Variants in PIWIL3 observed in about 807,000 individuals in gnomAD.
PIWIL3 encodes piwi like RNA-mediated gene silencing 3.
In PIWIL3, 101 loss-of-function variants were observed where a neutral mutation model predicts 109.7. The ratio of observed to expected loss-of-function variants is 0.92; its 90% CI spans 0.78 to 1.09. The LOEUF is 1.09. Ranked by LOEUF, PIWIL3 falls within the 50% of genes least tolerant of loss-of-function variation. PIWIL3 has a pLI of 0.00. For missense variants in PIWIL3, 1,031 were observed against 1,072.6 expected (o/e 0.96, Z 0.54); for synonymous variants, 373 against 376.4 (o/e 0.99, Z 0.10).
At chr22:24,744,665 A>G (rs1462941091) in intron 12 of PIWIL3, among the ~76,000 whole-genome samples, 2 of 152,222 alleles carry the variant, frequency 1.3e-5, no homozygotes, top group Non-Finnish European at 2.9e-5. Flanking sequence ...ACTATGCAAC[A>G]ATAAAGTGGT....
chr22:24,756,240 A>AAC (rs1363696298), intron 5 of PIWIL3, among the ~76,000 whole-genome samples: 1 of 152,118 alleles, frequency 6.6e-6, no homozygotes, highest in Non-Finnish European at 1.5e-5. Context: ...ATAAAAAAAA[A>AAC]AGTATCCAAA....
At chr22:24,770,650 C>T (rs1486144998) in intron 1 of PIWIL3, among the ~76,000 whole-genome samples, 1 of 139,792 alleles carries the variant, frequency 7.2e-6, no homozygotes, top group African/African-American at 2.7e-5. Context: ...TGGTGAAACC[C>T]CGTCTCTACT....
In PIWIL3 at chr22:24,751,482, A is replaced by G. The variant is rs138187514; in HGVS notation, c.994T>C (p.Tyr332His). ...IVLTKYNNKT[Y>H]RVDDIDWKQN... ...TTCCAATCAATATCATCTACTCTGTAGGTTTTGTTGTTGTATCTGTGGAAT... is the reference window on the plus strand; with the variant it reads ...TTCCAATCAATATCATCTACTCTGTGGGTTTTGTTGTTGTATCTGTGGAAT... Residue 332 changes from tyrosine to histidine, a missense_variant, in exon 9 of 21, where the codon TAC becomes CAC. Tyr to His is a moderately conservative substitution (Grantham distance 83). Coordinates refer to ENST00000616349, the MANE Select transcript of PIWIL3 (RefSeq NM_001255975.1). The G allele has an allele frequency of 1.9e-6, 3 of 1,611,272 alleles. No homozygotes were observed. Among genetic ancestry groups the G allele is most frequent in the Admixed American group, 1.7e-5 (1 of 59,286 alleles).
intron 12 of PIWIL3, among the ~76,000 whole-genome samples, chr22:24,748,024 A>G (rs73152591): frequency 6.6e-6 from 1 of 152,336 alleles, no homozygotes; most frequent in Non-Finnish European, 1.5e-5. Flanking sequence ...CAGATTTGGA[A>G]GCAATGTAAA....
In PIWIL3 at chr22:24,734,104, T is replaced by C. The variant is rs368294119; in HGVS notation, c.1687A>G (p.Thr563Ala). 6.2e-6 allele frequency: 10 copies of C among 1,612,658 alleles called. No individual in the cohort carries two copies. In the African/African-American group the frequency reaches 1.1e-4, roughly 17 times the overall value. ...CTTACCATCTGCAGTGTTGGTCTAGTATATTTCCGTAATGTGTCTATATAG... is the reference window on the plus strand; with the variant it reads ...CTTACCATCTGCAGTGTTGGTCTAGCATATTTCCGTAATGTGTCTATATAG... ...NSYIDTLRKY[T>A]RPTLQMVICI... Residue 563 changes from threonine to alanine, a missense_variant, in exon 14 of 21, where the codon ACT becomes GCT. By Grantham distance (58) the Thr-to-Ala change is moderately conservative. Transcript: ENST00000616349.
chr22:24,746,928 C>A (rs1465522985), intron 12 of PIWIL3, among the ~76,000 whole-genome samples: 1 of 151,994 alleles, frequency 6.6e-6, no homozygotes, highest in African/African-American at 2.4e-5. Context: ...TTATCCAAAG[C>A]AATCCCTATC....
Position 24,755,693 on chromosome 22 carries a change from C to T in PIWIL3, c.692+91G>A, listed in dbSNP as rs1037584909. On this transcript the variant is annotated intron_variant, in intron 6 of 20. Coordinates refer to ENST00000616349, the MANE Select transcript of PIWIL3 (RefSeq NM_001255975.1). ...TAATACATGAGGACTAGGAAGAACA[C>T]TAAGTGCTAGAAGCAAATGGCTGTA... 87 of 1,510,854 alleles carry T rather than the reference C, an allele frequency of 5.8e-5. 2 individuals are homozygous for T. The highest frequency in any genetic ancestry group is 4.2e-4 in the South Asian group (36 of 84,828). The allele number at this position is 1,510,854 out of a possible 1,614,324, so 93.6% of individuals were successfully genotyped here. A position where few individuals can be genotyped will look rare whatever the true frequency, so the allele number is the denominator to read the frequency against.
Position 24,766,042 on chromosome 22 carries a change from GA to G in PIWIL3, c.-22-3522del, listed in dbSNP as rs71189280. 2.7e-3 allele frequency among the ~76,000 whole-genome samples: 381 copies of G among 143,476 alleles called. 1 individual carries two copies. The highest frequency in any genetic ancestry group is 0.02 in the South Asian group (90 of 4,580). 94.1% of individuals were successfully genotyped at this position (143,476 alleles called of 152,430 possible). ...TAAAATAAATTCCTTCAACTTAATG[GA>G]AAAAAAAAAAAGAAACCCTCCCACC... On this transcript the variant is annotated intron_variant, in intron 1 of 20. Transcript: ENST00000616349.
At chr22:24,751,307 G>A (rs1395984957) in intron 9 of PIWIL3, 80 bp downstream of exon 9, 10 of 1,354,402 alleles carry the variant, frequency 7.4e-6, no homozygotes, top group Non-Finnish European at 1.0e-5. Flanking sequence ...TGACAAATAT[G>A]TTCAAGTAGC....
chr22:24,756,796 A>C (rs186190003), intron 4 of PIWIL3, 91 bp from the exon 5 acceptor site: 5 of 1,164,314 alleles, frequency 4.3e-6, no homozygotes, highest in Non-Finnish European at 6.1e-6. Flanking sequence ...AGCCAAAGTT[A>C]GGGCTGGGCA....
intron 19 of PIWIL3, 135 bp downstream of exon 19, chr22:24,722,995 A>T (rs1162363517): frequency 3.4e-5 from 34 of 1,013,162 alleles, no homozygotes; most frequent in Middle Eastern, 2.5e-4. Context: ...GCCCAATAGT[A>T]AAAAAAACAG....
At position 24,734,148 on chromosome 22, in the gene PIWIL3, A is replaced by AC. The variant is rs1481658143; in HGVS notation, c.1642dup (p.Val548GlyfsTer4). The AC allele has an allele frequency of 6.2e-7, 1 of 1,611,646 alleles. No homozygotes were observed. The highest frequency in any genetic ancestry group is 1.3e-5 in the African/African-American group (1 of 74,996). Reference sequence around the variant, plus strand: ...TATATAGGAGTTAGCATCACCATCTACTTCAATCCTAAAAAATAAATATAG... The same window carrying AC: ...TATATAGGAGTTAGCATCACCATCTACCTTCAATCCTAAAAAATAAATATAG... On this transcript the variant is annotated frameshift_variant, in exon 14 of 21. Transcript: ENST00000616349. LOFTEE classifies it high-confidence loss of function.
chr22:24,747,235 GTC>G (rs1924427429), intron 12 of PIWIL3, among the ~76,000 whole-genome samples: 2 of 151,892 alleles, frequency 1.3e-5, no homozygotes, highest in Admixed American at 1.3e-4. Context: ...GGAAAGGACA[GTC>G]TCTTCTGTAT....
At chr22:24,736,614 T>C (rs1031709808) in intron 12 of PIWIL3, among the ~76,000 whole-genome samples, 7 of 152,206 alleles carry the variant, frequency 4.6e-5, no homozygotes, top group African/African-American at 1.7e-4. Flanking sequence ...GGGAGCACCT[T>C]CATAGGAACC....
At position 24,755,825 on chromosome 22, in the gene PIWIL3, C is replaced by T. The variant is rs113993349; in HGVS notation, c.651G>A (p.Thr217=). Residue 217 remains threonine, a synonymous_variant, in exon 6 of 21, where the codon ACG becomes ACA. Transcript: ENST00000616349. ...TVEFSKELTP[T]SPDCLRYYNI... ...TGTAATAGCGTAGGCAATCTGGCGA[C>T]GTGGGCGTGAGTTCTTTGGAAAACT... is the stretch of plus-strand genomic sequence containing the variant. 7.4e-4 allele frequency: 1,189 copies of T among 1,613,888 alleles called. 5 individuals carry two copies. The African/African-American group carries it at 0.01, about 14-fold the overall frequency.
At position 24,728,188 on chromosome 22, in the gene PIWIL3, C is replaced by T. The variant is rs148034582; in HGVS notation, c.1894G>A (p.Val632Met). 7,653 of 1,614,198 alleles carry T rather than the reference C, an allele frequency of 4.7e-3. 58 individuals are homozygous for T. The highest frequency in any genetic ancestry group is 0.029 in the Middle Eastern group (177 of 6,062). ...NCKMGGALWK[V>M]ETDVQRTMFV... is the part of the protein sequence containing the mutation. Reference sequence around the variant, plus strand: ...GAAATACAACATACGTCTGTCTCCACCTTCCAGAGGGCTCCTCCCATCTTG... The same window carrying T: ...GAAATACAACATACGTCTGTCTCCATCTTCCAGAGGGCTCCTCCCATCTTG... The change falls in exon 15 of 21, where the codon GTG becomes ATG. Residue 632 changes from valine to methionine, a missense_variant. Physicochemically the swap from Val to Met is conservative, Grantham distance 21. Coordinates refer to ENST00000616349, the MANE Select transcript of PIWIL3 (RefSeq NM_001255975.1).
chr22:24,742,150 G>GAAAA (rs1924043613), intron 12 of PIWIL3, among the ~76,000 whole-genome samples: 1 of 37,400 alleles, frequency 2.7e-5, no homozygotes, highest in Non-Finnish European at 5.1e-5. Context: ...TACAATAGCT[G>GAAAA]CAAAAAAAAA....
At chr22:24,769,287 C>T (rs1925984877) in intron 1 of PIWIL3, among the ~76,000 whole-genome samples, 1 of 152,116 alleles carries the variant, frequency 6.6e-6, no homozygotes, top group Non-Finnish European at 1.5e-5. Flanking sequence ...CCCCGGGCCA[C>T]ATTGGAAGAA....
At chr22:24,730,424 TTAAG>T (rs764965820) in intron 14 of PIWIL3, among the ~76,000 whole-genome samples, 3 of 151,722 alleles carry the variant, frequency 2.0e-5, no homozygotes, top group Non-Finnish European at 4.4e-5. Flanking sequence ...GGTAACGTGT[TTAAG>T]TAAGAGTATG....
Sources: gnomAD v4.1 joint callset for allele counts (sites outside exome capture counted in the v4.1 genomes callset) on GRCh38, gnomAD v4.1.1 for gene constraint, MANE v1.5 for transcripts, NCBI Gene and HGNC (gene_info 2026-07-23, HGNC 2026-07-21) for gene names.